The following AGBL1 variants were observed in gnomAD, a reference collection of about 807,000 sequenced individuals.
The protein encoded by AGBL1 is AGBL carboxypeptidase 1.
Under a neutral mutation model 118.9 loss-of-function variants are expected in AGBL1, and 130 were observed. That is an observed-to-expected ratio of 1.09 (90% confidence interval 0.95 to 1.26). AGBL1 has a LOEUF of 1.26. Among genes scored for constraint, AGBL1 ranks in the 50% most tolerant of loss-of-function variants. The probability of loss-of-function intolerance (pLI) is 0.00; values close to 1 mark genes in which losing one functional copy is unlikely to be tolerated. For missense variants in AGBL1, 1,584 were observed against 1,298.1 expected (o/e 1.22, Z -3.38); for synonymous variants, 555 against 478.9 (o/e 1.16, Z -2.08).
At chr15:86,110,539 G>T (rs1325749635) in intron 1 of AGBL1, among the ~76,000 whole-genome samples, 1 of 152,120 alleles carries the variant, frequency 6.6e-6, no homozygotes, top group Non-Finnish European at 1.5e-5. Context: ...GGTTGGTCTT[G>T]CTGTCTCAGG....
At chr15:86,721,447 C>A (rs979351760) in intron 22 of AGBL1, among the ~76,000 whole-genome samples, 1 of 152,148 alleles carries the variant, frequency 6.6e-6, no homozygotes, top group Admixed American at 6.5e-5. Flanking sequence ...CAAAATTCAA[C>A]AACGCTTCAT....
chr15:86,818,338 G>A lies in AGBL1; in HGVS notation c.3159-88749G>A, dbSNP rs1211971283. Among the ~76,000 whole-genome samples the A allele has an allele frequency of 2.0e-5, 3 of 152,288 alleles. No homozygotes were observed. The East Asian group carries it at 5.8e-4, about 29-fold the overall frequency. ...AGTGGGCCAGTGAGCATGACCAGCT[G>A]AACTCCACCTCCTGTCAGATAAGCG... On this transcript the variant is annotated intron_variant, in intron 22 of 22. Coordinates refer to ENST00000614907, the MANE Select transcript of AGBL1 (RefSeq NM_001386094.1).
chr15:86,211,320 T>A (rs1454015279), intron 5 of AGBL1, among the ~76,000 whole-genome samples: 1 of 152,202 alleles, frequency 6.6e-6, no homozygotes, highest in Non-Finnish European at 1.5e-5. Flanking sequence ...AGGCAGTTTG[T>A]CCATTCTCAG....
intron 22 of AGBL1, among the ~76,000 whole-genome samples, chr15:86,891,947 A>G (rs777963452): frequency 2.0e-5 from 3 of 152,172 alleles, no homozygotes; most frequent in Non-Finnish European, 4.4e-5. Context: ...TGGGCCACTC[A>G]GTACTCAGAG....
intron 19 of AGBL1, among the ~76,000 whole-genome samples, chr15:86,535,581 G>A (rs569995787): frequency 1.3e-4 from 20 of 152,178 alleles, no homozygotes; most frequent in South Asian, 2.1e-4. Flanking sequence ...TCTTTGAAGA[G>A]CGCATCAATT....
rs144807699 is a variant in AGBL1 at position 86,144,370 on chromosome 15, T to A, written c.262+525T>A. ...CTATTATAAAGACACCTGCATGCAT[T>A]TGTTCATTGCAGCACTATTCATAAT... On this transcript the variant is annotated intron_variant, in intron 3 of 22. Coordinates refer to ENST00000614907, the MANE Select transcript of AGBL1 (RefSeq NM_001386094.1). Among the ~76,000 whole-genome samples, 1,182 of 152,258 alleles carry A rather than the reference T, an allele frequency of 7.8e-3. 40 individuals are homozygous for A. The highest frequency in any genetic ancestry group is 0.02 in the East Asian group (106 of 5,180).
At chr15:86,637,871 T>A (rs2085123010) in intron 21 of AGBL1, among the ~76,000 whole-genome samples, 1 of 152,224 alleles carries the variant, frequency 6.6e-6, no homozygotes, top group Non-Finnish European at 1.5e-5. Context: ...CTGCCTGATC[T>A]GTGCTCTTTA....
intron 22 of AGBL1, among the ~76,000 whole-genome samples, chr15:86,743,929 T>C (rs756205414): frequency 3.3e-5 from 5 of 151,944 alleles, no homozygotes; most frequent in Non-Finnish European, 7.4e-5. Flanking sequence ...AAAAGACAAG[T>C]TGATATGGGT....
At chr15:86,831,521 A>T (rs1049046429) in intron 22 of AGBL1, among the ~76,000 whole-genome samples, 54 of 152,204 alleles carry the variant, frequency 3.5e-4, no homozygotes, top group African/African-American at 1.3e-3. Flanking sequence ...GGCTACATGC[A>T]ATTCTGAAAT....
At chr15:86,851,758 G>GT (rs2079409609) in intron 22 of AGBL1, among the ~76,000 whole-genome samples, 1 of 152,080 alleles carries the variant, frequency 6.6e-6, no homozygotes, top group African/African-American at 2.4e-5. Context: ...CATGGGGATG[G>GT]TGAGCAGTGG....
intron 18 of AGBL1, among the ~76,000 whole-genome samples, chr15:86,447,804 G>A (rs138317796): frequency 2.6e-5 from 4 of 152,280 alleles, no homozygotes; most frequent in East Asian, 3.9e-4. Flanking sequence ...TACAAAGAGA[G>A]GACAGTATAC....
At chr15:86,189,850 T>G (rs2077691648) in intron 5 of AGBL1, among the ~76,000 whole-genome samples, 1 of 152,212 alleles carries the variant, frequency 6.6e-6, no homozygotes, top group Non-Finnish European at 1.5e-5. Flanking sequence ...GCGCAAATGC[T>G]TTTGTAGAGA....
At chr15:86,623,244 A>G (rs1407513433) in intron 21 of AGBL1, among the ~76,000 whole-genome samples, 1 of 129,328 alleles carries the variant, frequency 7.7e-6, no homozygotes, top group Non-Finnish European at 1.7e-5. Context: ...GGGTATGGGG[A>G]CGGGTTTGGA....
intron 23 of AGBL1, among the ~76,000 whole-genome samples, chr15:86,965,317 T>G (rs918278708): frequency 2.0e-5 from 3 of 152,040 alleles, no homozygotes; most frequent in African/African-American, 7.2e-5. Flanking sequence ...TTTTAATGAT[T>G]GCCATTCTAA....
intron 17 of AGBL1, among the ~76,000 whole-genome samples, chr15:86,328,804 G>C (rs957652905): frequency 4.6e-5 from 7 of 152,200 alleles, no homozygotes; most frequent in Non-Finnish European, 8.8e-5. Flanking sequence ...GAGGCTTGAA[G>C]ACACTATGAG....
At chr15:86,893,490 A>T (rs2080080234) in intron 22 of AGBL1, among the ~76,000 whole-genome samples, 1 of 152,236 alleles carries the variant, frequency 6.6e-6, no homozygotes, top group Admixed American at 6.5e-5. Flanking sequence ...AAACAAAACA[A>T]AAAAAGCAGA....
At chr15:86,895,554 T>C (rs529883986) in intron 22 of AGBL1, among the ~76,000 whole-genome samples, 2 of 152,142 alleles carry the variant, frequency 1.3e-5, no homozygotes, top group Non-Finnish European at 2.9e-5. Context: ...TTTTTGAGTA[T>C]AGAATTGCAG....
At chr15:86,758,570 G>A (rs1035880565) in intron 22 of AGBL1, among the ~76,000 whole-genome samples, 1 of 152,044 alleles carries the variant, frequency 6.6e-6, no homozygotes, top group African/African-American at 2.4e-5. Flanking sequence ...TGCTCGATAA[G>A]CATCTGTTGA....
intron 21 of AGBL1, among the ~76,000 whole-genome samples, chr15:86,573,769 C>T (rs982450917): frequency 1.3e-5 from 2 of 152,112 alleles, no homozygotes; most frequent in African/African-American, 4.8e-5. Flanking sequence ...ATTAACTACA[C>T]CTCCCCGAAG....
Sources: gnomAD v4.1 joint callset for allele counts (sites outside exome capture counted in the v4.1 genomes callset) on GRCh38, gnomAD v4.1.1 for gene constraint, MANE v1.5 for transcripts, NCBI Gene and HGNC (gene_info 2026-07-23, HGNC 2026-07-21) for gene names.